The following CYP2A7 variants were observed in gnomAD, a reference collection of about 807,000 sequenced individuals.
The protein encoded by CYP2A7 is cytochrome P450 family 2 subfamily A member 7.
Under a neutral mutation model 42.0 loss-of-function variants are expected in CYP2A7, and 36 were observed. The observed-to-expected ratio is 0.86, with a 90% CI of 0.66 to 1.13. CYP2A7 has a LOEUF of 1.13. Among genes scored for constraint, CYP2A7 ranks in the 50% most tolerant of loss-of-function variants. CYP2A7 has a pLI of 0.00. For synonymous variants in CYP2A7, 260 were observed against 249.5 expected, an observed-to-expected ratio of 1.04 and a Z score of -0.40; for missense variants, 661 against 634.1, an observed-to-expected ratio of 1.04 and a Z score of -0.46.
In CYP2A7 at chr19:40,876,581, G is replaced by C; in HGVS notation, c.1249C>G (p.Leu417Val). ...TTCTTAAACTGCCCCTTGTCATCCA[G>C]GAAATGCTGGGGATTGAAGTCCTGA... ...NPQDFNPQHF[L>V]DDKGQFKKSD... The change falls in exon 8 of 9, where the codon CTG becomes GTG. Residue 417 changes from leucine to valine, a missense_variant. By Grantham distance (32) the Leu-to-Val change is conservative (BLOSUM62 1). Coordinates refer to ENST00000301146, the MANE Select transcript of CYP2A7 (RefSeq NM_000764.3). The C allele has an allele frequency of 6.2e-7, 1 of 1,613,070 alleles. No homozygotes were observed. Among genetic ancestry groups the C allele is most frequent in the Non-Finnish European group, 8.5e-7 (1 of 1,179,296 alleles).
At chr19:40,876,863 G>C (rs1967545812) in intron 7 of CYP2A7, 195 bp from the exon 8 acceptor site, 2 of 789,518 alleles carry the variant, frequency 2.5e-6, no homozygotes, top group South Asian at 3.9e-5. Flanking sequence ...GGAGACATGG[G>C]GTCCATGTCT....
intron 4 of CYP2A7, among the ~76,000 whole-genome samples, chr19:40,879,328 G>A (rs1201750717): frequency 2.0e-5 from 3 of 151,616 alleles, no homozygotes; most frequent in South Asian, 2.1e-4. Context: ...ATTCAAGTAG[G>A]CTTGGTTGGA....
chr19:40,877,578 C>A (rs1318915257), intron 6 of CYP2A7, among the ~76,000 whole-genome samples: 1 of 151,466 alleles, frequency 6.6e-6, no homozygotes, highest in African/African-American at 2.4e-5. Context: ...ACAGGGGAGG[C>A]ACAGGGAGGA....
In CYP2A7 at chr19:40,875,767, T is replaced by C. The variant is rs2145143651; in HGVS notation, c.1411A>G (p.Ile471Val). 1.2e-6 allele frequency: 2 copies of C among 1,603,850 alleles called. No individual in the cohort carries two copies. The highest frequency in any genetic ancestry group is 4.5e-5 in the East Asian group (2 of 44,738). ...ACCACGTGTTTGGGGGACACGTCAA[T>C]GTCCTTAGGTGACTGGGAGGACTTG... is the stretch of plus-strand genomic sequence containing the variant. ...RLKSSQSPKD[I>V]DVSPKHVVFA... The change falls in exon 9 of 9, where the codon ATT (isoleucine) becomes GTT (valine). Residue 471 changes from isoleucine (I) to valine (V), a missense_variant. Transcript: ENST00000301146.
Position 40,878,743 on chromosome 19 carries a change from T to C in CYP2A7, c.831+17A>G, listed in dbSNP as rs369173002. 3 of 1,610,652 alleles carry C rather than the reference T, an allele frequency of 1.9e-6. No homozygotes were observed. Among genetic ancestry groups the C allele is most frequent in the African/African-American group, 2.7e-5 (2 of 74,898 alleles). On this transcript the variant is annotated intron_variant, in intron 5 of 8. Transcript: ENST00000301146. ...TGCCTGGCTTTGCACCTCCCCGCAC[T>C]GGCTGCTGGGGTGTACCTCCTGCAT...
At position 40,882,057 on chromosome 19, in the gene CYP2A7, C is replaced by G. The variant is rs928898432; in HGVS notation, c.154G>C (p.Glu52Gln). The G allele has an allele frequency of 3.1e-6, 5 of 1,613,938 alleles. No individual in the cohort carries two copies. Among genetic ancestry groups the G allele is most frequent in the Non-Finnish European group, 4.2e-6 (5 of 1,179,870 alleles). The change falls in exon 1 of 9, where the codon GAG becomes CAG. Residue 52 changes from glutamate to glutamine, a missense_variant. Physicochemically the swap from Glu to Gln is conservative, Grantham distance 29. Transcript: ENST00000301146. ...TTCATGATGGAGTCACATATGTGCT[C>G]TGTGTTCAGCTGGAGGTAGTTTCCA... Reference protein sequence around the residue: ...FIGNYLQLNTEHICDSIMKFS... With the variant: ...FIGNYLQLNTQHICDSIMKFS...
Position 40,875,602 on chromosome 19 carries a change from C to G in CYP2A7, c.*91G>C, listed in dbSNP as rs1265349646. The G allele has an allele frequency of 8.8e-6, 14 of 1,593,582 alleles. No homozygotes were observed. The highest frequency in any genetic ancestry group is 5.4e-5 in the African/African-American group (4 of 74,310). ...CCCCTTCCTTTCCCGCATCTTCCCC[C>G]CATTCTTATACCCGCCTCTTCCGCG... On this transcript the variant is annotated 3_prime_UTR_variant, in exon 9 of 9. Transcript: ENST00000301146.
intron 1 of CYP2A7, 46 bp downstream of exon 1, chr19:40,881,985 T>C: frequency 6.3e-7 from 1 of 1,585,646 alleles, no homozygotes; most frequent in African/African-American, 1.3e-5. Context: ...CCCAGCCAAC[T>C]AGGCAGCCCC....
rs151290022 is a variant in CYP2A7 at position 40,877,237 on chromosome 19, G to C, written c.1114C>G (p.Arg372Gly). The C allele has an allele frequency of 1.2e-6, 2 of 1,612,584 alleles. No homozygotes were observed. Among genetic ancestry groups the C allele is most frequent in the Admixed American group, 1.7e-5 (1 of 59,846 alleles). The change falls in exon 7 of 9, where the codon CGC becomes GGC. Residue 372 changes from arginine to glycine, a missense_variant. This residue lies in a region of CYP2A7 where 614 missense variants were observed against 552.4 expected (regional missense o/e 1.11). Coordinates refer to ENST00000301146, the MANE Select transcript of CYP2A7 (RefSeq NM_000764.3). The stretch of plus-strand genomic sequence containing the variant: ...AACTTGGTGTCCTTTTTAACCCTGC[G>C]GGCCAAACTCATGGGGATCACGTCT... ...FGDVIPMSLA[R>G]RVKKDTKFRD...
rs376628138 is a variant in CYP2A7 at position 40,881,479 on chromosome 19, C to T, written c.343+110G>A. On this transcript the variant is annotated intron_variant, in intron 2 of 8. Transcript: ENST00000301146. ...GGGAGATGGGGAGATAAGACCAGAC[C>T]GGGGGTTCTGCCATAGCCTCCAGTG... The T allele has an allele frequency of 7.3e-4, 1,143 of 1,555,154 alleles. 12 individuals carry two copies. The African/African-American group carries it at 0.013, about 18-fold the overall frequency.
At chr19:40,879,628 G>C (rs28619553) in intron 4 of CYP2A7, among the ~76,000 whole-genome samples, 2 of 150,516 alleles carry the variant, frequency 1.3e-5, no homozygotes, top group African/African-American at 2.4e-5. Context: ...AGTAGAGGGC[G>C]CTTGGCCAGA....
At position 40,877,012 on chromosome 19, in the gene CYP2A7, T is replaced by C. The variant is rs545767510; in HGVS notation, c.1161+178A>G. 69 of 717,340 alleles carry C rather than the reference T, an allele frequency of 9.6e-5. 1 individual carries two copies. In the South Asian group the frequency reaches 1.2e-3, roughly 13 times the overall value. The allele number at this position is 717,340 out of a possible 1,614,324, so 44.4% of individuals were successfully genotyped here. A position where few individuals can be genotyped will look rare whatever the true frequency, so the allele number is the denominator to read the frequency against. On this transcript the variant is annotated intron_variant, in intron 7 of 8. Coordinates refer to ENST00000301146, the MANE Select transcript of CYP2A7 (RefSeq NM_000764.3). ...TCCCGACACAAAGAGTCTGGGGAGA[T>C]GCAGGACTCAGGAGTGTCTAAGTGG...
rs1967557912 is a variant in CYP2A7 at position 40,877,304 on chromosome 19, C to G, written c.1047G>C (p.Met349Ile). ...CGTGGATCACTGCCTCCATGTAGGG[C>G]ATCTTGGTCCGGTCCTCAAACTTGG... ...RQPKFEDRTK[M>I]PYMEAVIHEI... The change falls in exon 7 of 9, where the codon ATG becomes ATC. Residue 349 changes from methionine (M) to isoleucine (I), a missense_variant. By Grantham distance (10) the Met-to-Ile change is conservative. Around this residue, in one of 3 missense-constraint regions of CYP2A7, gnomAD observed 614 missense variants for 552.4 expected, o/e 1.11. Coordinates refer to ENST00000301146, the MANE Select transcript of CYP2A7 (RefSeq NM_000764.3). The G allele has an allele frequency of 6.2e-7, 1 of 1,612,776 alleles. No individual in the cohort carries two copies. Among genetic ancestry groups the G allele is most frequent in the East Asian group, 2.2e-5 (1 of 44,854 alleles).
chr19:40,881,314 G>A (rs1212462186), intron 2 of CYP2A7, among the ~76,000 whole-genome samples: 2 of 151,518 alleles, frequency 1.3e-5, no homozygotes, highest in East Asian at 3.9e-4. Context: ...AACCCAGGAT[G>A]TCCTCAGAGA....
rs964808710 is a variant in CYP2A7, at chr19:40,876,880, G to A, written c.1162-212C>T. On this transcript the variant is annotated intron_variant, in intron 7 of 8. Coordinates refer to ENST00000301146, the MANE Select transcript of CYP2A7 (RefSeq NM_000764.3). ...AGACATGGGGTCCATGTCTTGCTAC[G>A]CAGGTTGTTTGGGGGACCTGAAATT... 13 of 735,570 alleles carry A rather than the reference G, an allele frequency of 1.8e-5. No homozygotes were observed. The Admixed American group carries it at 3.3e-4, about 19-fold the overall frequency. 45.6% of individuals were successfully genotyped at this position (735,570 alleles called of 1,614,324 possible). A position where few individuals can be genotyped will look rare whatever the true frequency, so the allele number is the denominator to read the frequency against.
intron 1 of CYP2A7, 69 bp downstream of exon 1, chr19:40,881,962 C>T: frequency 6.4e-7 from 1 of 1,568,190 alleles, no homozygotes; most frequent in Middle Eastern, 1.7e-4. Context: ...TGGTCAATCC[C>T]CTGCCACAAA....
rs528375004 is a variant in CYP2A7, at chr19:40,876,372, T to C, written c.1303+155A>G. On this transcript the variant is annotated intron_variant, in intron 8 of 8. Coordinates refer to ENST00000301146, the MANE Select transcript of CYP2A7 (RefSeq NM_000764.3). ...CTGGGTGCAGGTACTGGGTGCTTGG[T>C]AGTTAAGGAAGTATCAGCTGCTGGC... is the stretch of plus-strand genomic sequence containing the variant. The C allele has an allele frequency of 7.3e-4, 914 of 1,247,794 alleles. 6 individuals carry two copies. The highest frequency in any genetic ancestry group is 8.3e-4 in the Non-Finnish European group (716 of 865,972). 77.3% of individuals were successfully genotyped at this position (1,247,794 alleles called of 1,614,324 possible).
At chr19:40,879,071 G>A (rs1599792898) in intron 4 of CYP2A7, 135 bp from the exon 5 acceptor site, 2 of 1,342,136 alleles carry the variant, frequency 1.5e-6, no homozygotes, top group African/African-American at 2.9e-5. Context: ...TATTTCAGTG[G>A]GGTCGGATAG....
At chr19:40,878,500 A>G (rs1967587152) in intron 5 of CYP2A7, among the ~76,000 whole-genome samples, 2 of 151,528 alleles carry the variant, frequency 1.3e-5, no homozygotes, top group Non-Finnish European at 2.9e-5. Flanking sequence ...ACGTGCAGCT[A>G]ATTTTTGGAT....
Sources: gnomAD v4.1 joint callset for allele counts (sites outside exome capture counted in the v4.1 genomes callset) on GRCh38, gnomAD v4.1.1 for gene constraint, gnomAD v4.1.1 regional missense constraint, MANE v1.5 for transcripts, NCBI Gene and HGNC (gene_info 2026-07-23, HGNC 2026-07-21) for gene names.